Variants in NMRAL1 observed in about 807,000 individuals in gnomAD.
NMRAL1 encodes the protein NmrA like redox sensor 1.
NMRAL1 carries 32 observed loss-of-function variants against 27.5 expected under a neutral mutation model. That is an observed-to-expected ratio of 1.16 (90% CI 0.88 to 1.56). The LOEUF is 1.56. NMRAL1 is among the 40% of genes most tolerant of loss of function. The pLI, the probability that NMRAL1 is intolerant of heterozygous loss-of-function variation, is 0.00. For missense variants in NMRAL1, 420 were observed against 392.0 expected (o/e 1.07, Z -0.60); for synonymous variants, 166 against 166.8 (o/e 1.00, Z 0.04).
At position 4,469,263 on chromosome 16, in the gene NMRAL1, G is replaced by C; in HGVS notation, c.243C>G (p.Tyr81Ter). 6.2e-7 allele frequency: 1 copy of C among 1,614,098 alleles called. No individual in the cohort carries two copies. The stretch of plus-strand genomic sequence containing the variant: ...CCTGCTCCTGGCTGCAGCTCTCCCA[G>C]TAATTGGTCACGATGAAGGTGGCGT... ...GAYATFIVTN[Y>*]WESCSQEQEV... Residue 81 changes from tyrosine to a stop codon, truncating the protein, a stop_gained, in exon 3 of 6, where the codon TAC becomes TAG. Coordinates refer to ENST00000283429, the MANE Select transcript of NMRAL1 (RefSeq NM_020677.6). LOFTEE classifies it high-confidence loss of function.
Position 4,466,256 on chromosome 16 carries a change from G to A in NMRAL1, c.426C>T (p.Asp142=). Residue 142 remains aspartate (D), a synonymous_variant, in exon 4 of 6, where the codon GAC becomes GAT. Transcript: ENST00000283429. The part of the protein sequence containing the change: ...GKGEVEEYFR[D]IGVPMTSVRL... ...GCACACTGGTCATGGGAACGCCAATGTCCCGGAAATATTCCTCCACCTCCC... is the reference window on the plus strand; with the variant it reads ...GCACACTGGTCATGGGAACGCCAATATCCCGGAAATATTCCTCCACCTCCC... 6.2e-7 allele frequency: 1 copy of A among 1,614,136 alleles called. No homozygotes were observed. The highest frequency in any genetic ancestry group is 2.2e-5 in the East Asian group (1 of 44,872).
Position 4,474,622 on chromosome 16 carries a change from G to A in NMRAL1, c.-103C>T, listed in dbSNP as rs971799504. 2 of 154,890 alleles carry A rather than the reference G, an allele frequency of 1.3e-5. No individual in the cohort carries two copies. The highest frequency in any genetic ancestry group is 2.9e-5 in the Non-Finnish European group (2 of 69,530). 9.6% of individuals were successfully genotyped at this position (154,890 alleles called of 1,614,324 possible). A position where few individuals can be genotyped will look rare whatever the true frequency, so the allele number is the denominator to read the frequency against. ...TGGCTGCAGCCGCCAATCCCGACGT[G>A]TCGGCCGAAACCCCTCCTCCGGCGC... is the stretch of plus-strand genomic sequence containing the variant. On this transcript the variant is annotated 5_prime_UTR_variant, in exon 1 of 6. Transcript: ENST00000283429.
At chr16:4,467,925 C>T (rs1194263699) in intron 3 of NMRAL1, among the ~76,000 whole-genome samples, 1 of 151,782 alleles carries the variant, frequency 6.6e-6, no homozygotes, top group African/African-American at 2.4e-5. Flanking sequence ...CAGCTGATTT[C>T]TATGGTTTTA....
chr16:4,467,961 C>T (rs539109748), intron 3 of NMRAL1, among the ~76,000 whole-genome samples: 5 of 151,850 alleles, frequency 3.3e-5, no homozygotes, highest in East Asian at 2.0e-4. Flanking sequence ...GGTCCTTTTT[C>T]GTGACAGTAC....
At chr16:4,474,374 C>A (rs971749029) in intron 1 of NMRAL1, 180 bp downstream of exon 1, 2 of 493,772 alleles carry the variant, frequency 4.1e-6, no homozygotes, top group East Asian at 3.4e-5. Context: ...CCGCCTCCCC[C>A]GGTTCCAGTC....
At chr16:4,466,705 T>G in intron 3 of NMRAL1, 1 of 383,046 alleles carries the variant, frequency 2.6e-6, no homozygotes, top group Non-Finnish European at 4.9e-6. Flanking sequence ...AATGCACACG[T>G]CCCATCTCTG....
At chr16:4,465,349 G>A (rs2057281248) in intron 4 of NMRAL1, among the ~76,000 whole-genome samples, 2 of 152,164 alleles carry the variant, frequency 1.3e-5, no homozygotes, top group Non-Finnish European at 2.9e-5. Flanking sequence ...GGTAAGGAGT[G>A]GCCAGCCAGA....
At position 4,461,755 on chromosome 16, in the gene NMRAL1, C is replaced by T; in HGVS notation, c.*25G>A. 1 of 1,593,324 alleles carries T rather than the reference C, an allele frequency of 6.3e-7. No homozygotes were observed. Among genetic ancestry groups the T allele is most frequent in the Non-Finnish European group, 8.5e-7 (1 of 1,170,030 alleles). On this transcript the variant is annotated 3_prime_UTR_variant, in exon 6 of 6. Coordinates refer to ENST00000283429, the MANE Select transcript of NMRAL1 (RefSeq NM_020677.6). ...CTGCCCCTCTGGTGCCCCCGATCCC[C>T]ACAAGGGGCCGCGAGGCGGGCAGGT...
intron 3 of NMRAL1, 51 bp from the exon 4 acceptor site, chr16:4,466,453 C>T: frequency 1.3e-6 from 2 of 1,580,400 alleles, no homozygotes; most frequent in Non-Finnish European, 1.7e-6. Context: ...GGATGTCTGT[C>T]CCTGGTCACA....
intron 1 of NMRAL1, 169 bp downstream of exon 1, chr16:4,474,385 A>C: frequency 1.1e-5 from 5 of 475,176 alleles, no homozygotes; most frequent in Non-Finnish European, 1.5e-5. Context: ...GGTTCCAGTC[A>C]CCCGCCCCCC....
chr16:4,475,115 C>A (rs1163514705), upstream of NMRAL1, among the ~76,000 whole-genome samples: 1 of 151,712 alleles, frequency 6.6e-6, no homozygotes, highest in African/African-American at 2.4e-5. Flanking sequence ...CCAAGCCCGG[C>A]TAATTTTTGT....
intron 2 of NMRAL1, among the ~76,000 whole-genome samples, chr16:4,470,944 C>T (rs1386909068): frequency 2.2e-5 from 2 of 92,844 alleles, no homozygotes; most frequent in Non-Finnish European, 5.3e-5. Context: ...AAGACTCCGT[C>T]TCAAAAAAAA....
Position 4,469,359 on chromosome 16 carries a change from C to T in NMRAL1, c.147G>A (p.Leu49=). 2 of 1,614,094 alleles carry T rather than the reference C, an allele frequency of 1.2e-6. No individual in the cohort carries two copies. Among genetic ancestry groups the T allele is most frequent in the Non-Finnish European group, 1.7e-6 (2 of 1,179,926 alleles). Residue 49 remains leucine, a synonymous_variant, in exon 3 of 6, where the codon CTG becomes CTA. Transcript: ENST00000283429. ...PRKKAAKELR[L]QGAEVVQGDQ... ...CTCCCTGCACTACTTCTGCACCTTGCAGCCTCAGCTCCTTTGCTGCCTTCT... is the reference window on the plus strand; with the variant it reads ...CTCCCTGCACTACTTCTGCACCTTGTAGCCTCAGCTCCTTTGCTGCCTTCT...
intron 3 of NMRAL1, 116 bp downstream of exon 3, chr16:4,469,111 C>CA: frequency 4.3e-6 from 3 of 702,208 alleles, no homozygotes; most frequent in Non-Finnish European, 7.7e-6. Flanking sequence ...CAGGCAGAGG[C>CA]ATGAAGAAGA....
intron 3 of NMRAL1, among the ~76,000 whole-genome samples, chr16:4,468,675 T>C (rs940141173): frequency 1.3e-5 from 2 of 151,308 alleles, no homozygotes; most frequent in Admixed American, 1.3e-4. Context: ...GTCTGCTCTA[T>C]ATAATGGGCT....
intron 5 of NMRAL1, 112 bp from the exon 6 acceptor site, chr16:4,462,071 A>G (rs534604895): frequency 7.1e-6 from 6 of 850,284 alleles, no homozygotes; most frequent in East Asian, 5.0e-5. Context: ...CAGAGCCACT[A>G]TTGTCTCGGT....
chr16:4,462,813 G>A (rs1239912204), intron 5 of NMRAL1, among the ~76,000 whole-genome samples: 1 of 151,732 alleles, frequency 6.6e-6, no homozygotes, highest in Non-Finnish European at 1.5e-5. Flanking sequence ...GTGAGCTACC[G>A]CGCCTGACCC....
rs898481527 is a variant in NMRAL1 at position 4,463,820 on chromosome 16, C to T, written c.560G>A (p.Gly187Asp). ...SLPTGDVPMDGMSVSDLGPVV... is the reference protein window; with the variant it reads ...SLPTGDVPMDDMSVSDLGPVV... ...AGGACCCAGGTCAGACACGGACATG[C>T]CATCCATGGGAACGTCACCTGTGGG... Residue 187 changes from glycine to aspartate, a missense_variant, in exon 5 of 6, where the codon GGC becomes GAC. By Grantham distance (94) the Gly-to-Asp change is moderately conservative. Transcript: ENST00000283429. The T allele has an allele frequency of 1.2e-6, 2 of 1,613,564 alleles. No individual in the cohort carries two copies. The highest frequency in any genetic ancestry group is 2.7e-5 in the African/African-American group (2 of 74,916).
rs373098518 is a variant in NMRAL1 at position 4,469,414 on chromosome 16, T to C, written c.92A>G (p.Lys31Arg). The change falls in exon 3 of 6, where the codon AAG becomes AGG. Residue 31 changes from lysine (K) to arginine (R), a missense_variant. Coordinates refer to ENST00000283429, the MANE Select transcript of NMRAL1 (RefSeq NM_020677.6). ...AGGGTTTCGGGTCACCACTCGAACC[T>C]TGAATGTCCCATCTTCCAGGAGTGT... ...ARTLLEDGTF[K>R]VRVVTRNPRK... 9 of 1,614,132 alleles carry C rather than the reference T, an allele frequency of 5.6e-6. No individual in the cohort carries two copies. Among genetic ancestry groups the C allele is most frequent in the Non-Finnish European group, 7.6e-6 (9 of 1,180,018 alleles).
Sources: allele counts gnomAD v4.1 joint callset (sites outside exome capture counted in the v4.1 genomes callset), GRCh38; gene constraint gnomAD v4.1.1; transcripts MANE v1.5; gene names NCBI Gene and HGNC (gene_info 2026-07-23, HGNC 2026-07-21).